Variants in EML6 observed in about 807,000 individuals in gnomAD.
EML6 encodes echinoderm microtubule-associated protein-like 6.
In EML6, 154 loss-of-function variants were observed where a neutral mutation model predicts 240.1. That is an observed-to-expected ratio of 0.64 (90% CI 0.56 to 0.73). The LOEUF (loss-of-function observed/expected upper bound fraction) is 0.73. EML6 is among the 30% of genes least tolerant of loss of function. EML6 has a pLI of 0.00. For synonymous variants in EML6, 1,148 were observed against 899.0 expected (o/e 1.28, Z -4.95); for missense variants, 2,964 against 2,474.6 (o/e 1.20, Z -4.20).
At chr2:54,749,687 A>C (rs549765092) in intron 2 of EML6, among the ~76,000 whole-genome samples, 15 of 152,272 alleles carry the variant, frequency 9.9e-5, no homozygotes, top group African/African-American at 3.1e-4. Flanking sequence ...CTGTTTACTG[A>C]AGAAGAAACT....
At chr2:54,794,491 C>A (rs11897031) in intron 2 of EML6, among the ~76,000 whole-genome samples, 1 of 152,054 alleles carries the variant, frequency 6.6e-6, no homozygotes, top group Non-Finnish European at 1.5e-5. Flanking sequence ...AGGGACAGGA[C>A]GGGGAAGGGT....
rs867770763 is a variant in EML6, at chr2:54,797,063, G to T, written c.198-16169G>T. On this transcript the variant is annotated intron_variant, in intron 2 of 41. Coordinates refer to ENST00000356458, the MANE Select transcript of EML6 (RefSeq NM_001039753.4). ...ACCTGTAGTCCCAGCTGCTCAGGAG[G>T]CTGAGGCAGGAGAATGGCGTGAACC... Among the ~76,000 whole-genome samples the T allele has an allele frequency of 2.6e-5, 4 of 150,984 alleles. No homozygotes were observed. In the South Asian group the frequency reaches 8.4e-4, roughly 32 times the overall value.
intron 2 of EML6, among the ~76,000 whole-genome samples, chr2:54,728,327 T>G (rs1474184219): frequency 2.0e-5 from 3 of 152,218 alleles, no homozygotes; most frequent in Admixed American, 1.3e-4. Flanking sequence ...CATCCTCTGT[T>G]ACTTCCCTTC....
intron 12 of EML6, among the ~76,000 whole-genome samples, 174 bp from the exon 13 acceptor site, chr2:54,863,609 G>A (rs1670798538): frequency 6.6e-6 from 1 of 152,008 alleles, no homozygotes; most frequent in African/African-American, 2.4e-5. Flanking sequence ...GTGAAGGGTG[G>A]GCTGAACTAA....
chr2:54,941,544 T>G (rs547566533), intron 28 of EML6, among the ~76,000 whole-genome samples: 1 of 152,382 alleles, frequency 6.6e-6, no homozygotes, highest in East Asian at 1.9e-4. Flanking sequence ...GCTAAGCTAA[T>G]GCTGCTGGAT....
chr2:54,837,951 G>A (rs1669239895), intron 7 of EML6, among the ~76,000 whole-genome samples: 1 of 152,154 alleles, frequency 6.6e-6, no homozygotes. Flanking sequence ...TTAAATACGA[G>A]CCTCTGCCTG....
intron 26 of EML6, among the ~76,000 whole-genome samples, chr2:54,919,248 C>G (rs75787747): frequency 1.1e-4 from 15 of 142,458 alleles, no homozygotes; most frequent in African/African-American, 3.1e-4. Context: ...TGCTTCCCCC[C>G]CCCCCCAATC....
intron 25 of EML6, among the ~76,000 whole-genome samples, chr2:54,916,355 T>C (rs1673908210): frequency 6.6e-6 from 1 of 152,182 alleles, no homozygotes; most frequent in African/African-American, 2.4e-5. Flanking sequence ...AGACCAGAGA[T>C]GCTCTAAACA....
At chr2:54,910,804 T>C (rs1673599016) in intron 24 of EML6, 150 bp from the exon 25 acceptor site, 1 of 537,466 alleles carries the variant, frequency 1.9e-6, no homozygotes, top group Non-Finnish European at 3.5e-6. Flanking sequence ...TAATTGGCTG[T>C]ACATGCCCTT....
chr2:54,746,597 T>C (rs139702299), intron 2 of EML6, among the ~76,000 whole-genome samples: 56 of 152,342 alleles, frequency 3.7e-4, no homozygotes, highest in African/African-American at 1.3e-3. Context: ...GAAGACTGAT[T>C]TATAGGTGCA....
chr2:54,909,309 C>G (rs1228270749), intron 24 of EML6, among the ~76,000 whole-genome samples: 1 of 152,264 alleles, frequency 6.6e-6, no homozygotes, highest in East Asian at 1.9e-4. Flanking sequence ...TCTTATAATT[C>G]TAAATAGTCA....
intron 2 of EML6, among the ~76,000 whole-genome samples, chr2:54,805,571 C>G (rs1402454152): frequency 6.6e-6 from 1 of 152,038 alleles, no homozygotes; most frequent in Non-Finnish European, 1.5e-5. Context: ...TTTATATATT[C>G]TGGGTAGAAC....
chr2:54,963,887 G>A, intron 36 of EML6, 99 bp from the exon 37 acceptor site: 2 of 1,135,332 alleles, frequency 1.8e-6, no homozygotes, highest in Non-Finnish European at 2.4e-6. Context: ...TGCAGTGGCT[G>A]CGAGGGCAGC....
chr2:54,850,844 A>G (rs1670040129), intron 10 of EML6, among the ~76,000 whole-genome samples: 1 of 152,240 alleles, frequency 6.6e-6, no homozygotes, highest in Non-Finnish European at 1.5e-5. Context: ...GTGTAGTCAT[A>G]TAATGGAATA....
chr2:54,789,321 G>A (rs1371908636), intron 2 of EML6, among the ~76,000 whole-genome samples: 2 of 151,748 alleles, frequency 1.3e-5, no homozygotes, highest in East Asian at 3.9e-4. Flanking sequence ...AGACCATCCT[G>A]GCTAACACGG....
intron 28 of EML6, among the ~76,000 whole-genome samples, chr2:54,940,044 C>T (rs1386061083): frequency 2.0e-5 from 3 of 152,162 alleles, no homozygotes; most frequent in Non-Finnish European, 4.4e-5. Context: ...GGCATATGTT[C>T]CTTAGGAAAC....
In EML6 at chr2:54,797,164, C is replaced by CAAAAAAAAAAAAAAAAAAAAAA. The variant is rs773498648; in HGVS notation, c.198-16064_198-16043dup. On this transcript the variant is annotated intron_variant, in intron 2 of 41. Coordinates refer to ENST00000356458, the MANE Select transcript of EML6 (RefSeq NM_001039753.4). ...TGGGTGACAGAGCAAGACTCCATCT[C>CAAAAAAAAAAAAAAAAAAAAAA]AAAAAAAAAAAAAAAAAAAAAAAAA... Among the ~76,000 whole-genome samples the CAAAAAAAAAAAAAAAAAAAAAA allele has an allele frequency of 1.1e-3, 48 of 43,824 alleles. 5 individuals carry two copies. Among genetic ancestry groups the CAAAAAAAAAAAAAAAAAAAAAA allele is most frequent in the Middle Eastern group, 0.012 (1 of 82 alleles). 28.8% of individuals were successfully genotyped at this position (43,824 alleles called of 152,430 possible).
intron 28 of EML6, among the ~76,000 whole-genome samples, chr2:54,931,730 G>A (rs1304048230): frequency 6.6e-6 from 1 of 152,170 alleles, no homozygotes; most frequent in African/African-American, 2.4e-5. Flanking sequence ...GAGTACTTGA[G>A]GACTGAAAGA....
At chr2:54,856,146 G>T (rs989036699) in intron 11 of EML6, among the ~76,000 whole-genome samples, 1 of 152,176 alleles carries the variant, frequency 6.6e-6, no homozygotes, top group Non-Finnish European at 1.5e-5. Flanking sequence ...TGTTTACGTA[G>T]CCAAACCAAT....
Sources: allele counts gnomAD v4.1 joint callset (sites outside exome capture counted in the v4.1 genomes callset), GRCh38; gene constraint gnomAD v4.1.1; transcripts MANE v1.5; gene names NCBI Gene and HGNC (gene_info 2026-07-23, HGNC 2026-07-21).